KCND2: variants seen among roughly 807,000 people sequenced by gnomAD.
The protein encoded by KCND2 is A-type voltage-gated potassium channel KCND2.
A neutral mutation model predicts 54.4 loss-of-function variants in KCND2; 16 were observed. The observed-to-expected ratio is 0.29, with a 90% CI of 0.20 to 0.45. The LOEUF (loss-of-function observed/expected upper bound fraction) is 0.45, where lower values mean the gene tolerates loss of function less well. KCND2 is among the 20% of genes least tolerant of loss of function. The probability of loss-of-function intolerance (pLI) is 1.00; values close to 1 mark genes in which losing one functional copy is unlikely to be tolerated. For synonymous variants in KCND2, 317 were observed against 310.7 expected (o/e 1.02, Z -0.21); for missense variants, 486 against 824.2 (o/e 0.59, Z 5.02).
At position 120,742,515 on chromosome 7, in the gene KCND2, A is replaced by G. The variant is rs1584903787; in HGVS notation, c.1380A>G (p.Ser460=). Residue 460 remains serine, a synonymous_variant, in exon 4 of 6, where the codon TCA becomes TCG. Coordinates refer to ENST00000331113, the MANE Select transcript of KCND2 (RefSeq NM_012281.3). ...NGLLSNQLQS[S]EDEQAFVSKS... ...TGTCTTCTCTTTGTTAACAGTCCTC[A>G]GAGGATGAGCAGGCTTTTGTTAGCA... 6.2e-7 allele frequency: 1 copy of G among 1,613,322 alleles called. No homozygotes were observed. The highest frequency in any genetic ancestry group is 8.5e-7 in the Non-Finnish European group (1 of 1,179,318).
chr7:120,584,803 ATTAG>A (rs1471219409), intron 1 of KCND2, among the ~76,000 whole-genome samples: 1 of 152,240 alleles, frequency 6.6e-6, no homozygotes, highest in Non-Finnish European at 1.5e-5. Context: ...AAGATGCAAT[ATTAG>A]TTAAAGCAAA....
chr7:120,331,208 A>G (rs1194515490), intron 1 of KCND2, among the ~76,000 whole-genome samples: 1 of 152,096 alleles, frequency 6.6e-6, no homozygotes, highest in Non-Finnish European at 1.5e-5. Context: ...TCATAATTAG[A>G]AAGATAGTCA....
chr7:120,584,819 A>T (rs187738261), intron 1 of KCND2, among the ~76,000 whole-genome samples: 1 of 152,404 alleles, frequency 6.6e-6, no homozygotes, highest in African/African-American at 2.4e-5. Context: ...TAAAGCAAAA[A>T]AAATCATAAA....
intron 2 of KCND2, among the ~76,000 whole-genome samples, chr7:120,735,945 G>A (rs895041432): frequency 2.0e-5 from 3 of 152,006 alleles, no homozygotes; most frequent in Non-Finnish European, 2.9e-5. Flanking sequence ...GGAAAAAAAA[G>A]CAGAACAAAC....
Position 120,733,078 on chromosome 7 carries a change from C to T in KCND2, c.1278+13C>T, listed in dbSNP as rs1225702805. On this transcript the variant is annotated intron_variant, in intron 2 of 5. Coordinates refer to ENST00000331113, the MANE Select transcript of KCND2 (RefSeq NM_012281.3). ...AAGGGCACAAAAGGTGCGTATTCAA[C>T]TCCGTGCAACCATGGTTTAGCACTT... The T allele has an allele frequency of 2.5e-6, 4 of 1,613,004 alleles. No homozygotes were observed. The Admixed American group carries it at 6.7e-5, about 27-fold the overall frequency.
chr7:120,726,251 C>T (rs1792732375), intron 1 of KCND2, among the ~76,000 whole-genome samples: 1 of 152,100 alleles, frequency 6.6e-6, no homozygotes, highest in Non-Finnish European at 1.5e-5. Context: ...AAAGAGAAAT[C>T]TGCCTATTGT....
At chr7:120,567,958 T>A (rs1456239992) in intron 1 of KCND2, among the ~76,000 whole-genome samples, 1 of 152,166 alleles carries the variant, frequency 6.6e-6, no homozygotes, top group Non-Finnish European at 1.5e-5. Flanking sequence ...GTAATATTCT[T>A]GAATTTAACC....
intron 1 of KCND2, among the ~76,000 whole-genome samples, chr7:120,581,316 A>G (rs756777492): frequency 9.9e-5 from 15 of 152,218 alleles, no homozygotes; most frequent in Non-Finnish European, 1.6e-4. Flanking sequence ...AATATTTAGT[A>G]TCTGAGTTTG....
intron 1 of KCND2, among the ~76,000 whole-genome samples, chr7:120,603,273 C>T (rs1792837003): frequency 2.0e-5 from 3 of 152,304 alleles, no homozygotes; most frequent in African/African-American, 7.2e-5. Flanking sequence ...CTTTCTAGCT[C>T]CTCAACGCCA....
intron 1 of KCND2, among the ~76,000 whole-genome samples, chr7:120,698,807 A>G (rs1792363633): frequency 6.6e-6 from 1 of 152,154 alleles, no homozygotes. Flanking sequence ...CCACCAATAA[A>G]TCAGCTGTGT....
At chr7:120,603,441 A>G (rs1479716785) in intron 1 of KCND2, among the ~76,000 whole-genome samples, 2 of 152,184 alleles carry the variant, frequency 1.3e-5, no homozygotes, top group Non-Finnish European at 2.9e-5. Context: ...TCTGAGCAGT[A>G]AACAGAGATG....
At chr7:120,525,295 G>T (rs1434352830) in intron 1 of KCND2, among the ~76,000 whole-genome samples, 1 of 152,150 alleles carries the variant, frequency 6.6e-6, no homozygotes, top group African/African-American at 2.4e-5. Flanking sequence ...AATGGAAATT[G>T]AGATGTTTAC....
At chr7:120,647,383 A>T (rs1793454849) in intron 1 of KCND2, among the ~76,000 whole-genome samples, 1 of 152,198 alleles carries the variant, frequency 6.6e-6, no homozygotes, top group South Asian at 2.1e-4. Flanking sequence ...CCTTTCAGAT[A>T]AGGCGGGGAT....
chr7:120,699,033 C>A (rs1311047294), intron 1 of KCND2, among the ~76,000 whole-genome samples: 3 of 152,144 alleles, frequency 2.0e-5, no homozygotes, highest in African/African-American at 7.2e-5. Context: ...GTAATCCCAG[C>A]ACTTTGGGAG....
chr7:120,314,941 C>A (rs1799791207), intron 1 of KCND2, among the ~76,000 whole-genome samples: 3 of 151,980 alleles, frequency 2.0e-5, no homozygotes, highest in Non-Finnish European at 4.4e-5. Context: ...TGCATGTTAT[C>A]ACCACTGAAA....
At chr7:120,680,781 C>T (rs1438288940) in intron 1 of KCND2, among the ~76,000 whole-genome samples, 1 of 152,054 alleles carries the variant, frequency 6.6e-6, no homozygotes, top group Non-Finnish European at 1.5e-5. Flanking sequence ...TTTTAGAGCA[C>T]TGCCTGACAC....
chr7:120,338,151 A>G (rs1800178274), intron 1 of KCND2, among the ~76,000 whole-genome samples: 1 of 152,122 alleles, frequency 6.6e-6, no homozygotes, highest in South Asian at 2.1e-4. Context: ...TCATTGTCTC[A>G]TGTCATTTTA....
chr7:120,476,686 A>C (rs1319370850), intron 1 of KCND2, among the ~76,000 whole-genome samples: 1 of 152,020 alleles, frequency 6.6e-6, no homozygotes, highest in African/African-American at 2.4e-5. Context: ...TTTATCCATA[A>C]CCTCACGAAT....
intron 1 of KCND2, among the ~76,000 whole-genome samples, chr7:120,442,155 TC>T (rs936502296): frequency 6.6e-6 from 1 of 151,878 alleles, no homozygotes; most frequent in Admixed American, 6.6e-5. Context: ...ACAAATAGAA[TC>T]CCCCACGAAC....
Sources: gnomAD v4.1 joint callset for allele counts (sites outside exome capture counted in the v4.1 genomes callset) on GRCh38, gnomAD v4.1.1 for gene constraint, MANE v1.5 for transcripts, NCBI Gene and HGNC (gene_info 2026-07-23, HGNC 2026-07-21) for gene names.